Variants in DTX4 observed in about 807,000 individuals in gnomAD.
DTX4 encodes E3 ubiquitin-protein ligase DTX4.
A neutral mutation model predicts 57.6 loss-of-function variants in DTX4; 28 were observed. That is an observed-to-expected ratio of 0.49 (90% confidence interval 0.36 to 0.67). DTX4 has a LOEUF of 0.67. DTX4 is among the 30% of genes least tolerant of loss of function. DTX4 has a pLI of 0.00. For missense variants in DTX4, 715 were observed against 836.8 expected (o/e 0.85, Z 1.80); for synonymous variants, 316 against 331.0 (o/e 0.95, Z 0.49).
At chr11:59,179,646 G>T (rs973598547) in intron 1 of DTX4, among the ~76,000 whole-genome samples, 1 of 152,136 alleles carries the variant, frequency 6.6e-6, no homozygotes, top group African/African-American at 2.4e-5. Flanking sequence ...TTCACTCTTC[G>T]ATTGTCAGCA....
Position 59,199,741 on chromosome 11 carries a change from T to C in DTX4, c.1594T>C (p.Cys532Arg), listed in dbSNP as rs769748223. 1.9e-6 allele frequency: 3 copies of C among 1,572,052 alleles called. No homozygotes were observed. The highest frequency in any genetic ancestry group is 3.7e-5 in the Admixed American group (2 of 54,320). Residue 532 changes from cysteine (C) to arginine (R), a missense_variant, in exon 8 of 9, where the codon TGT becomes CGT. Coordinates refer to ENST00000227451, the MANE Select transcript of DTX4 (RefSeq NM_015177.2). ...CAGCGCCCGAGGCTTCCCACGACAC[T>C]GTTACCTTCCGGACAGCGAGAAAGG... The part of the protein sequence containing the change: ...SFSARGFPRH[C>R]YLPDSEKGRK...
chr11:59,185,891 C>A (rs1170201429), intron 2 of DTX4, among the ~76,000 whole-genome samples: 1 of 152,176 alleles, frequency 6.6e-6, no homozygotes, highest in African/African-American at 2.4e-5. Context: ...CCCCATGGGG[C>A]AGACATTTAG....
At chr11:59,192,298 G>A in intron 6 of DTX4, 48 bp downstream of exon 6, 5 of 1,608,916 alleles carry the variant, frequency 3.1e-6, no homozygotes, top group South Asian at 1.1e-5. Context: ...ACTGGGCTCT[G>A]GAGTAGCAAG....
At chr11:59,198,178 G>A (rs1242938305) in intron 7 of DTX4, among the ~76,000 whole-genome samples, 1 of 152,180 alleles carries the variant, frequency 6.6e-6, no homozygotes, top group African/African-American at 2.4e-5. Context: ...TCTGGGTTGG[G>A]CTGAGGCAGA....
chr11:59,195,930 A>G (rs895128776), intron 7 of DTX4, among the ~76,000 whole-genome samples: 54 of 152,240 alleles, frequency 3.5e-4, no homozygotes, highest in African/African-American at 9.4e-4. Context: ...TTTGATAGCT[A>G]TACTTGGCTT....
intron 7 of DTX4, 73 bp downstream of exon 7, chr11:59,195,442 A>G: frequency 7.3e-7 from 1 of 1,367,822 alleles, no homozygotes; most frequent in Admixed American, 2.5e-5. Context: ...GTAGGTAAAA[A>G]GTTACATATG....
intron 1 of DTX4, among the ~76,000 whole-genome samples, chr11:59,181,458 C>T (rs945630349): frequency 1.3e-5 from 2 of 152,174 alleles, no homozygotes; most frequent in Non-Finnish European, 2.9e-5. Flanking sequence ...CAAGATGTCC[C>T]GACTGCAAAG....
At chr11:59,174,484 A>C (rs1250457811) in intron 1 of DTX4, among the ~76,000 whole-genome samples, 1 of 113,786 alleles carries the variant, frequency 8.8e-6, no homozygotes. Context: ...AGCATCTGAC[A>C]GGGGATTCCA....
At position 59,191,159 on chromosome 11, in the gene DTX4, G is replaced by A. The variant is rs199969294; in HGVS notation, c.1205G>A (p.Arg402Gln). 2,105 of 1,572,460 alleles carry A rather than the reference G, an allele frequency of 1.3e-3. 3 individuals are homozygous for A. The highest frequency in any genetic ancestry group is 1.7e-3 in the Non-Finnish European group (1,954 of 1,158,922). Reference sequence around the variant, plus strand: ...CTAAAAAAATATCTACAGAAAGTCCGGCACCCACCAGATGAGGTGAGTTCA... The same window carrying A: ...CTAAAAAAATATCTACAGAAAGTCCAGCACCCACCAGATGAGGTGAGTTCA... ...EVLKKYLQKV[R>Q]HPPDEDCTIC... Residue 402 changes from arginine to glutamine, a missense_variant, in exon 5 of 9, where the codon CGG becomes CAG. Arg to Gln is a conservative substitution (Grantham distance 43, BLOSUM62 1). Coordinates refer to ENST00000227451, the MANE Select transcript of DTX4 (RefSeq NM_015177.2).
At position 59,172,712 on chromosome 11, in the gene DTX4, C is replaced by T; in HGVS notation, c.117C>T (p.Arg39=). The T allele has an allele frequency of 6.2e-6, 10 of 1,602,852 alleles. No homozygotes were observed. Among genetic ancestry groups the T allele is most frequent in the Non-Finnish European group, 8.5e-6 (10 of 1,176,434 alleles). Residue 39 remains arginine, a synonymous_variant, in exon 1 of 9, where the codon CGC becomes CGT. Transcript: ENST00000227451. ...AGGCGGTGGTCCGCGCCGGCCCCCG[C>T]GCGGGGGGCAGCGTGGTGCTGGGCC... ...HIEAVVRAGP[R]AGGSVVLGQV...
chr11:59,196,239 G>A (rs567773184), intron 7 of DTX4, among the ~76,000 whole-genome samples: 1 of 152,348 alleles, frequency 6.6e-6, no homozygotes, highest in African/African-American at 2.4e-5. Flanking sequence ...GAGCAAAGTA[G>A]ACGCAATCCT....
chr11:59,189,078 G>A (rs1006049409), intron 3 of DTX4, 84 bp from the exon 4 acceptor site: 1 of 1,504,914 alleles, frequency 6.6e-7, no homozygotes, highest in African/African-American at 1.4e-5. Flanking sequence ...AAGGAGGAGA[G>A]TAGGTTAATG....
chr11:59,180,937 G>C (rs1272065338), intron 1 of DTX4, among the ~76,000 whole-genome samples: 1 of 152,196 alleles, frequency 6.6e-6, no homozygotes, highest in Admixed American at 6.5e-5. Context: ...TGACCATTGA[G>C]AATGTTACTT....
At chr11:59,180,162 TCACA>T (rs1862445777) in intron 1 of DTX4, among the ~76,000 whole-genome samples, 2 of 152,238 alleles carry the variant, frequency 1.3e-5, no homozygotes, top group African/African-American at 4.8e-5. Context: ...TGAGGCTTAA[TCACA>T]CAGCTGGAAG....
chr11:59,193,819 G>A (rs372152290), intron 6 of DTX4, among the ~76,000 whole-genome samples: 2 of 152,172 alleles, frequency 1.3e-5, no homozygotes, highest in African/African-American at 4.8e-5. Flanking sequence ...CCCTGAATAC[G>A]AGCTATTGCT....
At chr11:59,202,617 G>T (rs1455732921) in intron 8 of DTX4, among the ~76,000 whole-genome samples, 3 of 152,128 alleles carry the variant, frequency 2.0e-5, no homozygotes, top group African/African-American at 7.2e-5. Flanking sequence ...TCCCATCTGA[G>T]AGTCAACAGA....
chr11:59,203,184 C>A (rs1462818455), intron 8 of DTX4, among the ~76,000 whole-genome samples: 1 of 152,198 alleles, frequency 6.6e-6, no homozygotes, highest in African/African-American at 2.4e-5. Context: ...TTAAACTACA[C>A]TAAATTTATT....
intron 2 of DTX4, among the ~76,000 whole-genome samples, chr11:59,184,555 C>T (rs1196788081): frequency 6.6e-6 from 1 of 152,138 alleles, no homozygotes; most frequent in African/African-American, 2.4e-5. Context: ...GTCTGACATC[C>T]CACCTTGTCT....
chr11:59,208,587 C>T lies in DTX4; in HGVS notation c.*3678C>T, dbSNP rs1862846402. 1 of 152,146 alleles carries T rather than the reference C, an allele frequency of 6.6e-6. No individual in the cohort carries two copies. The highest frequency in any genetic ancestry group is 2.4e-5 in the African/African-American group (1 of 41,422). The allele number at this position is 152,146 out of a possible 1,614,324, so 9.4% of individuals were successfully genotyped here. A position where few individuals can be genotyped will look rare whatever the true frequency, so the allele number is the denominator to read the frequency against. ...CAAAAATAAAATGCAAATACAGAGCCAGCTTTGTCACCCAAATCTGTGTCT... is the reference window on the plus strand; with the variant it reads ...CAAAAATAAAATGCAAATACAGAGCTAGCTTTGTCACCCAAATCTGTGTCT... On this transcript the variant is annotated 3_prime_UTR_variant, in exon 9 of 9. Coordinates refer to ENST00000227451, the MANE Select transcript of DTX4 (RefSeq NM_015177.2).
Sources: gnomAD v4.1 joint callset for allele counts (sites outside exome capture counted in the v4.1 genomes callset) on GRCh38, gnomAD v4.1.1 for gene constraint, MANE v1.5 for transcripts, NCBI Gene and HGNC (gene_info 2026-07-23, HGNC 2026-07-21) for gene names.